Variants in ATP11B observed in about 807,000 individuals in gnomAD.
ATP11B encodes ATPase phospholipid transporting 11B (putative).
Under a neutral mutation model 157.8 loss-of-function variants are expected in ATP11B, and 81 were observed. The observed-to-expected ratio is 0.51, with a 90% CI of 0.43 to 0.62. ATP11B has a LOEUF of 0.62. Among genes scored for constraint, ATP11B ranks in the 20% least tolerant of loss-of-function variants. ATP11B has a pLI of 0.00. For missense variants in ATP11B, 1,165 were observed against 1,402.2 expected, an observed-to-expected ratio of 0.83 and a Z score of 2.70; for synonymous variants, 451 against 469.4, an observed-to-expected ratio of 0.96 and a Z score of 0.51.
intron 23 of ATP11B, 74 bp downstream of exon 23, chr3:182,886,084 C>T (rs1439806834): frequency 3.6e-5 from 36 of 998,434 alleles, no homozygotes; most frequent in African/African-American, 5.1e-5. Context: ...TTTTGATAGA[C>T]GTTTGAAGGG....
chr3:182,818,328 C>T (rs554480488), intron 1 of ATP11B, among the ~76,000 whole-genome samples: 20 of 152,300 alleles, frequency 1.3e-4, no homozygotes, highest in African/African-American at 4.8e-4. Flanking sequence ...TTCACTTATT[C>T]ATCTGTTTAC....
intron 11 of ATP11B, 144 bp downstream of exon 11, chr3:182,858,172 G>A (rs868727332): frequency 1.1e-5 from 7 of 656,808 alleles, no homozygotes; most frequent in African/African-American, 3.6e-5. Flanking sequence ...CATTGCAAAT[G>A]CAGAGAAGCC....
At chr3:182,911,276 C>CCCCA (rs201168485) in intron 28 of ATP11B, among the ~76,000 whole-genome samples, 3 of 123,234 alleles carry the variant, frequency 2.4e-5, no homozygotes, top group African/African-American at 6.5e-5. Context: ...GAAATGCCCC[C>CCCCA]CCCCGCTAAG....
At chr3:182,887,859 A>G (rs1722904081) in intron 24 of ATP11B, 146 bp downstream of exon 24, 1 of 909,798 alleles carries the variant, frequency 1.1e-6, no homozygotes, top group Non-Finnish European at 1.6e-6. Flanking sequence ...TCAGAGAAAA[A>G]AAGGTTTCTT....
At position 182,918,017 on chromosome 3, in the gene ATP11B, C is replaced by T; in HGVS notation, c.3453-6C>T. ...GAGCCAAACTTTTCTCTTATTGTTACTTTAGATCATGGAGTGCATCGGATC... is the reference window on the plus strand; with the variant it reads ...GAGCCAAACTTTTCTCTTATTGTTATTTTAGATCATGGAGTGCATCGGATC... On this transcript the variant is annotated splice_polypyrimidine_tract_variant and splice_region_variant and intron_variant, in intron 29 of 29. Coordinates refer to ENST00000323116, the MANE Select transcript of ATP11B (RefSeq NM_014616.3). The T allele has an allele frequency of 6.2e-7, 1 of 1,612,302 alleles. No individual in the cohort carries two copies. The highest frequency in any genetic ancestry group is 8.5e-7 in the Non-Finnish European group (1 of 1,178,978).
At chr3:182,867,273 A>G in intron 14 of ATP11B, 103 bp from the exon 15 acceptor site, 3 of 761,798 alleles carry the variant, frequency 3.9e-6, no homozygotes, top group Non-Finnish European at 6.6e-6. Flanking sequence ...ATGCATTTTG[A>G]ACTTTGATTT....
chr3:182,872,586 T>C lies in ATP11B; in HGVS notation c.2048+49T>C, dbSNP rs578176181. On this transcript the variant is annotated intron_variant, in intron 18 of 29. Transcript: ENST00000323116. ...TATTACTTTTCTCTCATAGGAATTT[T>C]TGTAACCAAGTATTCTAATATGTGA... The C allele has an allele frequency of 1.3e-5, 19 of 1,440,598 alleles. No individual in the cohort carries two copies. In the South Asian group the frequency reaches 2.5e-4, roughly 19 times the overall value. The allele number at this position is 1,440,598 out of a possible 1,614,324, so 89.2% of individuals were successfully genotyped here.
chr3:182,829,739 C>T lies in ATP11B; in HGVS notation c.302C>T (p.Thr101Ile), dbSNP rs910059467. 3 of 1,605,842 alleles carry T rather than the reference C, an allele frequency of 1.9e-6. No individual in the cohort carries two copies. The highest frequency in any genetic ancestry group is 2.7e-5 in the African/African-American group (2 of 74,652). ...CCATTATTCTTTGTGATAACAGTAA[C>T]TGCCATAAAGCAGGTATGAAATACT... ...GLPLFFVITV[T>I]AIKQGYEDWL... is the part of the protein sequence containing the mutation. Residue 101 changes from threonine to isoleucine, a missense_variant, in exon 4 of 30, where the codon ACT (threonine) becomes ATT (isoleucine). Physicochemically the swap from Thr to Ile is moderately conservative, Grantham distance 89. This residue lies in a region of ATP11B where 34 missense variants were observed against 79.6 expected (regional missense o/e 0.43). Coordinates refer to ENST00000323116, the MANE Select transcript of ATP11B (RefSeq NM_014616.3).
rs77196034 is a variant in ATP11B at position 182,865,276 on chromosome 3, T to A, written c.1201-180T>A. 3.9e-3 allele frequency among the ~76,000 whole-genome samples: 594 copies of A among 152,332 alleles called. 2 individuals carry two copies. The highest frequency in any genetic ancestry group is 0.014 in the African/African-American group (580 of 41,578). ...TTTAAACTATTTTGTGTTACCCTGT[T>A]TTCTTTCCTTGGCATCTATATTTAT... is the stretch of plus-strand genomic sequence containing the variant. On this transcript the variant is annotated intron_variant, in intron 12 of 29. Coordinates refer to ENST00000323116, the MANE Select transcript of ATP11B (RefSeq NM_014616.3).
intron 10 of ATP11B, among the ~76,000 whole-genome samples, chr3:182,855,520 A>G (rs1720328346): frequency 6.6e-6 from 1 of 152,214 alleles, no homozygotes; most frequent in African/African-American, 2.4e-5. Flanking sequence ...CAAAAAAATT[A>G]ATAAGTTGTA....
At position 182,920,858 on chromosome 3, in the gene ATP11B, G is replaced by C. The variant is rs528900894; in HGVS notation, c.*2754G>C. 1.3e-5 allele frequency: 2 copies of C among 152,184 alleles called. No individual in the cohort carries two copies. The highest frequency in any genetic ancestry group is 4.8e-5 in the African/African-American group (2 of 41,426). The allele number at this position is 152,184 out of a possible 1,614,324, so 9.4% of individuals were successfully genotyped here. On this transcript the variant is annotated 3_prime_UTR_variant, in exon 30 of 30. Coordinates refer to ENST00000323116, the MANE Select transcript of ATP11B (RefSeq NM_014616.3). Reference sequence around the variant, plus strand: ...AATTTTCTAACTGTCCTCTTTCTTGGGTCTAAAGCTCATAATACACAAAGG... The same window carrying C: ...AATTTTCTAACTGTCCTCTTTCTTGCGTCTAAAGCTCATAATACACAAAGG...
intron 7 of ATP11B, among the ~76,000 whole-genome samples, chr3:182,837,630 G>A (rs922972213): frequency 9.9e-5 from 15 of 151,582 alleles, no homozygotes; most frequent in South Asian, 4.2e-4. Flanking sequence ...TTACTTACAC[G>A]CACATAATAA....
At chr3:182,842,566 A>C (rs1719134625) in intron 8 of ATP11B, among the ~76,000 whole-genome samples, 1 of 151,954 alleles carries the variant, frequency 6.6e-6, no homozygotes, top group Admixed American at 6.6e-5. Context: ...TCTTTACTCC[A>C]GAGTATAGGG....
At chr3:182,799,686 CGT>C (rs1178635431) in intron 1 of ATP11B, among the ~76,000 whole-genome samples, 1 of 151,942 alleles carries the variant, frequency 6.6e-6, no homozygotes, top group Non-Finnish European at 1.5e-5. Context: ...AGGAAGTAAA[CGT>C]GTATTTTTTA....
chr3:182,844,620 T>C, intron 8 of ATP11B: 1 of 902,518 alleles, frequency 1.1e-6, no homozygotes, highest in Non-Finnish European at 1.3e-6. Flanking sequence ...TACTGTGCGA[T>C]CTTGCCTAGA....
chr3:182,829,208 C>G (rs1717945159), intron 3 of ATP11B, among the ~76,000 whole-genome samples: 1 of 152,100 alleles, frequency 6.6e-6, no homozygotes, highest in African/African-American at 2.4e-5. Flanking sequence ...TGGGCCTATC[C>G]GGAGTAAAGG....
At chr3:182,816,744 A>G (rs997527356) in intron 1 of ATP11B, among the ~76,000 whole-genome samples, 13 of 152,206 alleles carry the variant, frequency 8.5e-5, no homozygotes, top group African/African-American at 3.1e-4. Context: ...CATGAAACCT[A>G]TGTATACGCT....
At chr3:182,893,999 T>G (rs1412822760) in intron 25 of ATP11B, among the ~76,000 whole-genome samples, 1 of 152,208 alleles carries the variant, frequency 6.6e-6, no homozygotes, top group African/African-American at 2.4e-5. Flanking sequence ...AATTGCCTAT[T>G]CATGTCCTTA....
At chr3:182,831,417 A>G (rs1718130554) in intron 4 of ATP11B, among the ~76,000 whole-genome samples, 1 of 152,202 alleles carries the variant, frequency 6.6e-6, no homozygotes, top group Non-Finnish European at 1.5e-5. Context: ...CAGAGCAGCC[A>G]GATTGATCTC....
Sources: gnomAD v4.1 joint callset for allele counts (sites outside exome capture counted in the v4.1 genomes callset) on GRCh38, gnomAD v4.1.1 for gene constraint, gnomAD v4.1.1 regional missense constraint, MANE v1.5 for transcripts, NCBI Gene and HGNC (gene_info 2026-07-23, HGNC 2026-07-21) for gene names.